The following LRRC37A2 variants were observed in gnomAD, a reference collection of about 807,000 sequenced individuals.
LRRC37A2 encodes leucine rich repeat containing 37 member A2, also known as leucine-rich repeat-containing protein 37A2.
LRRC37A2 carries 9 observed loss-of-function variants against 68.8 expected under a neutral mutation model. The ratio of observed to expected loss-of-function variants is 0.13; its 90% CI spans 0.08 to 0.23. The LOEUF (loss-of-function observed/expected upper bound fraction) is 0.23, where lower values mean the gene tolerates loss of function less well. LRRC37A2 is among the 10% of genes least tolerant of loss of function. LRRC37A2 has a pLI of 1.00. For synonymous variants in LRRC37A2, 63 were observed against 367.6 expected (o/e 0.17, Z 9.48); for missense variants, 168 against 950.4 (o/e 0.18, Z 10.82).
At chr17:46,760,740 T>C in the LRRC37A2 span, among the ~76,000 whole-genome samples, 1 of 151,984 alleles carries the variant, frequency 6.6e-6, no homozygotes, top group East Asian at 1.9e-4. Context: ...TGAAATGCTC[T>C]AAAATCTAAA....
chr17:47,017,048 C>G, the LRRC37A2 span: 1 of 1,000,112 alleles, frequency 1.0e-6, no homozygotes, highest in Non-Finnish European at 1.4e-6. Context: ...TCCGGCAGGG[C>G]AGGATGGGAA....
the LRRC37A2 span, among the ~76,000 whole-genome samples, chr17:47,044,405 G>A: frequency 6.6e-6 from 1 of 151,300 alleles, no homozygotes; most frequent in South Asian, 2.1e-4. Flanking sequence ...CCACATAGTA[G>A]ACAATGATAA....
At chr17:46,799,978 C>T in the LRRC37A2 span, among the ~76,000 whole-genome samples, 1 of 152,168 alleles carries the variant, frequency 6.6e-6, no homozygotes. Context: ...GTTAGATGCC[C>T]AGAGCCGGAC....
chr17:46,912,100 C>A, the LRRC37A2 span, among the ~76,000 whole-genome samples: 1 of 152,108 alleles, frequency 6.6e-6, no homozygotes, highest in East Asian at 1.9e-4. Context: ...CTGCAGCTTC[C>A]CCTAGCCTCA....
chr17:47,005,983 T>C, the LRRC37A2 span, among the ~76,000 whole-genome samples: 4 of 152,224 alleles, frequency 2.6e-5, no homozygotes, highest in Admixed American at 2.0e-4. Flanking sequence ...AGACAAGATC[T>C]TGCTCTGTTG....
At chr17:46,583,408 G>T in the LRRC37A2 span, among the ~76,000 whole-genome samples, 1 of 75,822 alleles carries the variant, frequency 1.3e-5, no homozygotes, top group Non-Finnish European at 3.6e-5. Flanking sequence ...CCATTCTCCT[G>T]GCTCAGCCGC....
At chr17:46,872,322 G>A in the LRRC37A2 span, among the ~76,000 whole-genome samples, 13 of 152,352 alleles carry the variant, frequency 8.5e-5, no homozygotes, top group African/African-American at 3.1e-4. Flanking sequence ...TGGAAAACAG[G>A]TTTAAGGTCC....
chr17:46,979,729 C>CT, the LRRC37A2 span, among the ~76,000 whole-genome samples: 2 of 152,048 alleles, frequency 1.3e-5, no homozygotes, highest in African/African-American at 4.8e-5. Context: ...TCCTTCCCTA[C>CT]ACCCTCCTCT....
the LRRC37A2 span, chr17:46,877,009 C>G: frequency 1.6e-6 from 2 of 1,231,718 alleles, no homozygotes. Context: ...TAAGGGAGAC[C>G]AAGAGCACAG....
chr17:46,941,951 A>G, the LRRC37A2 span: 41 of 985,116 alleles, frequency 4.2e-5, no homozygotes, highest in Admixed American at 3.1e-4. Flanking sequence ...TTCTGTCTCA[A>G]AGATGATCAC....
the LRRC37A2 span, among the ~76,000 whole-genome samples, chr17:46,828,053 G>A: frequency 9.2e-5 from 14 of 151,698 alleles, no homozygotes; most frequent in East Asian, 2.7e-3. Context: ...CTCATGATCC[G>A]CCGACCTCAT....
At chr17:46,966,584 A>G in the LRRC37A2 span, 2 of 692,980 alleles carry the variant, frequency 2.9e-6, 1 homozygote, top group South Asian at 3.0e-5. Context: ...CCTGAGCTCA[A>G]GAGATCCTCC....
the LRRC37A2 span, among the ~76,000 whole-genome samples, chr17:46,704,161 CTGTACAGA>C: frequency 1.2e-5 from 1 of 82,366 alleles, no homozygotes; most frequent in Non-Finnish European, 2.3e-5. Flanking sequence ...ATGAACAAGG[CTGTACAGA>C]TATCTCTTCA....
chr17:46,500,811 A>T, the LRRC37A2 span, among the ~76,000 whole-genome samples: 1 of 151,130 alleles, frequency 6.6e-6, no homozygotes, highest in Non-Finnish European at 1.5e-5. Flanking sequence ...CTTAGGGGAA[A>T]TAACCTATCA....
chr17:46,730,644 T>C, the LRRC37A2 span, among the ~76,000 whole-genome samples: 1 of 152,212 alleles, frequency 6.6e-6, no homozygotes, highest in African/African-American at 2.4e-5. Context: ...ACGTACATGC[T>C]TCACAAATAC....
chr17:46,843,412 C>T, the LRRC37A2 span, among the ~76,000 whole-genome samples: 6 of 152,000 alleles, frequency 3.9e-5, no homozygotes, highest in African/African-American at 1.2e-4. Flanking sequence ...CTATTCCATT[C>T]GTTAAAGTGA....
chr17:46,789,269 C>T, the LRRC37A2 span, among the ~76,000 whole-genome samples: 1 of 152,188 alleles, frequency 6.6e-6, no homozygotes, highest in Non-Finnish European at 1.5e-5. Flanking sequence ...CTGGACTGTC[C>T]CATCCACTCT....
At chr17:46,954,720 TCTC>T in the LRRC37A2 span, among the ~76,000 whole-genome samples, 1 of 152,170 alleles carries the variant, frequency 6.6e-6, no homozygotes, top group Admixed American at 6.5e-5. Flanking sequence ...GGTTTGTAGT[TCTC>T]CTTGAAGACA....
At chr17:47,003,952 T>C in the LRRC37A2 span, among the ~76,000 whole-genome samples, 101 of 152,322 alleles carry the variant, frequency 6.6e-4, no homozygotes, top group African/African-American at 2.3e-3. Context: ...TTCCCACCTA[T>C]GAGTGAGAAC....
Sources: allele counts gnomAD v4.1 joint callset (sites outside exome capture counted in the v4.1 genomes callset), GRCh38; gene constraint gnomAD v4.1.1; transcripts MANE v1.5; gene names NCBI Gene and HGNC (gene_info 2026-07-23, HGNC 2026-07-21).